CPB2: variants seen among roughly 807,000 people sequenced by gnomAD.
The protein encoded by CPB2 is carboxypeptidase B-like protein.
In CPB2, 54 loss-of-function variants were observed where a neutral mutation model predicts 57.0. The ratio of observed to expected loss-of-function variants is 0.95; its 90% CI spans 0.76 to 1.19. CPB2 has a LOEUF of 1.19. Ranked by LOEUF, CPB2 falls within the 50% of genes most tolerant of loss-of-function variation. The pLI, the probability that CPB2 is intolerant of heterozygous loss-of-function variation, is 0.00. For synonymous variants in CPB2, 189 were observed against 178.1 expected, an observed-to-expected ratio of 1.06 and a Z score of -0.49; for missense variants, 426 against 512.0, an observed-to-expected ratio of 0.83 and a Z score of 1.62.
chr13:46,082,274 A>C (rs1476178747), intron 4 of CPB2, among the ~76,000 whole-genome samples, 167 bp downstream of exon 4: 2 of 152,194 alleles, frequency 1.3e-5, no homozygotes, highest in Non-Finnish European at 2.9e-5. Context: ...TTCTCAGGGA[A>C]GATATCTACC....
At chr13:46,067,212 AT>A (rs1188244040) in intron 7 of CPB2, 94 bp downstream of exon 7, 2 of 594,648 alleles carry the variant, frequency 3.4e-6, no homozygotes, top group Non-Finnish European at 3.0e-6. Context: ...TAATAAAGCC[AT>A]TGTGCCTAGA....
rs17844159 is a variant in CPB2, at chr13:46,102,774, C to T, written c.74+2162G>A. 3.2e-3 allele frequency among the ~76,000 whole-genome samples: 484 copies of T among 152,098 alleles called. 6 individuals carry two copies. Among genetic ancestry groups the T allele is most frequent in the African/African-American group, 0.011 (464 of 41,508 alleles). ...TTTTACTCACAGAAAGAGTAGTTTG[C>T]AATGTTATTTCCAGTGAAGGGATGG... On this transcript the variant is annotated intron_variant, in intron 1 of 10. Transcript: ENST00000181383.
chr13:46,090,543 T>A (rs1434683666), intron 1 of CPB2, among the ~76,000 whole-genome samples: 1 of 151,654 alleles, frequency 6.6e-6, no homozygotes, highest in Admixed American at 6.6e-5. Flanking sequence ...TTGTATTTTT[T>A]AGTAGAGACG....
intron 9 of CPB2, among the ~76,000 whole-genome samples, 172 bp downstream of exon 9, chr13:46,058,007 A>T (rs1205194889): frequency 6.6e-6 from 1 of 152,198 alleles, no homozygotes; most frequent in Non-Finnish European, 1.5e-5. Flanking sequence ...CGTTCTTTAT[A>T]TTCCCTTAGA....
At chr13:46,087,179 G>A (rs1447996623) in intron 2 of CPB2, among the ~76,000 whole-genome samples, 1 of 152,218 alleles carries the variant, frequency 6.6e-6, no homozygotes, top group Non-Finnish European at 1.5e-5. Context: ...GCTGCGCCTG[G>A]GGAGCATGAG....
intron 1 of CPB2, chr13:46,099,137 C>T (rs558297728): frequency 3.1e-4 from 47 of 152,248 alleles, no homozygotes; most frequent in Middle Eastern, 3.4e-3. Flanking sequence ...ATAAGACTAA[C>T]ATAGGCAGAA....
In CPB2 at chr13:46,087,768, G is replaced by A; in HGVS notation, c.127C>T (p.Gln43Ter). Residue 43 changes from glutamine (Q) to a stop codon, truncating the protein, a stop_gained, in exon 2 of 11, where the codon CAG becomes TAG. Transcript: ENST00000181383. LOFTEE classifies it high-confidence loss of function. ...PRTSRQVQVL[Q>*]NLTTTYEIVL... ...ACCTCATATGTTGTAGTAAGATTCT[G>A]TAGAACTTGAACTTGCCTAGAGGTT... The A allele has an allele frequency of 6.2e-7, 1 of 1,610,912 alleles. No homozygotes were observed. Among genetic ancestry groups the A allele is most frequent in the Non-Finnish European group, 8.5e-7 (1 of 1,178,512 alleles).
intron 4 of CPB2, among the ~76,000 whole-genome samples, chr13:46,080,971 C>CAAAA (rs11412601): frequency 1.0e-5 from 1 of 98,604 alleles, no homozygotes; most frequent in African/African-American, 4.0e-5. Flanking sequence ...AACTCTGTCT[C>CAAAA]AAAAAAAAAA....
chr13:46,063,352 T>C (rs1383163013), intron 8 of CPB2, among the ~76,000 whole-genome samples: 1 of 152,194 alleles, frequency 6.6e-6, no homozygotes, highest in African/African-American at 2.4e-5. Context: ...GTCCCCAGTG[T>C]CTATTCCCAT....
intron 4 of CPB2, among the ~76,000 whole-genome samples, chr13:46,081,575 A>G (rs2045118954): frequency 6.6e-6 from 1 of 152,198 alleles, no homozygotes; most frequent in Admixed American, 6.5e-5. Context: ...GAAGGAACAG[A>G]TGCTTTTAAA....
At chr13:46,095,981 A>G (rs2045360885) in intron 1 of CPB2, among the ~76,000 whole-genome samples, 1 of 149,944 alleles carries the variant, frequency 6.7e-6, no homozygotes, top group African/African-American at 2.5e-5. Flanking sequence ...CGTGGGTTCA[A>G]GTGATTCTCC....
In CPB2 at chr13:46,058,203, A is replaced by G. The variant is rs150895932; in HGVS notation, c.975T>C (p.Ser325=). 1.1e-5 allele frequency: 17 copies of G among 1,613,686 alleles called. No homozygotes were observed. In the African/African-American group the frequency reaches 2.0e-4, roughly 19 times the overall value. The change falls in exon 9 of 11, where the codon AGT becomes AGC. Residue 325 remains serine, a synonymous_variant. Coordinates refer to ENST00000181383, the MANE Select transcript of CPB2 (RefSeq NM_001872.5). Reference sequence around the variant, plus strand: ...CCAGTTCCTCATGGTCTTTGCTTTTACTTCGTGTATAGGAATATGGAAACA... The same window carrying G: ...CCAGTTCCTCATGGTCTTTGCTTTTGCTTCGTGTATAGGAATATGGAAACA... ...HIVFPYSYTR[S]KSKDHEELSL...
chr13:46,057,890 TC>T (rs2139345191), intron 9 of CPB2, among the ~76,000 whole-genome samples: 1 of 152,326 alleles, frequency 6.6e-6, no homozygotes, highest in Admixed American at 6.5e-5. Context: ...CACATGCAGA[TC>T]AGGTCAAGTG....
Position 46,104,973 on chromosome 13 carries a change from C to T in CPB2, c.37G>A (p.Val13Ile), listed in dbSNP as rs1476718489. The change falls in exon 1 of 11, where the codon GTT becomes ATT. Residue 13 changes from valine (V) to isoleucine (I), a missense_variant. Transcript: ENST00000181383. ...AAGACATGCTGCTCACAGAAGAGAA[C>T]AATGGGTACAAGGACTGCAAGGCTG... ...LCSLAVLVPI[V>I]LFCEQHVFAF... 1.2e-6 allele frequency: 2 copies of T among 1,614,006 alleles called. No individual in the cohort carries two copies. The highest frequency in any genetic ancestry group is 1.7e-6 in the Non-Finnish European group (2 of 1,179,924).
intron 1 of CPB2, among the ~76,000 whole-genome samples, chr13:46,103,913 C>A (rs999465517): frequency 6.6e-6 from 1 of 152,144 alleles, no homozygotes; most frequent in African/African-American, 2.4e-5. Flanking sequence ...ACCCCCACGT[C>A]AATTAAATAA....
intron 7 of CPB2, among the ~76,000 whole-genome samples, 179 bp downstream of exon 7, chr13:46,067,128 G>C (rs9526138): frequency 0.34 from 52,172 of 151,746 alleles, 9,197 homozygotes; most frequent in African/African-American, 0.39. Flanking sequence ...TGGGTAGATA[G>C]AAGTTTACTA....
In CPB2 at chr13:46,053,505, T is replaced by A. The variant is rs533441236; in HGVS notation, c.*109A>T. The A allele has an allele frequency of 2.6e-5, 38 of 1,490,076 alleles. 1 individual carries two copies. In the Middle Eastern group the frequency reaches 1.1e-3, roughly 44 times the overall value. 92.3% of individuals were successfully genotyped at this position (1,490,076 alleles called of 1,614,324 possible). The stretch of plus-strand genomic sequence containing the variant: ...CTGACAGAACCAAGGAATAGGAAAA[T>A]CTTTTATCAAAACTACGGATAAAAC... On this transcript the variant is annotated 3_prime_UTR_variant, in exon 11 of 11. Transcript: ENST00000181383.
intron 10 of CPB2, among the ~76,000 whole-genome samples, 165 bp from the exon 11 acceptor site, chr13:46,053,963 T>C (rs1261586479): frequency 6.6e-6 from 1 of 152,220 alleles, no homozygotes; most frequent in Non-Finnish European, 1.5e-5. Context: ...TTATACATAA[T>C]TGCTTCTTTG....
intron 6 of CPB2, among the ~76,000 whole-genome samples, chr13:46,070,889 A>G (rs1259289227): frequency 6.6e-6 from 1 of 152,238 alleles, no homozygotes; most frequent in Non-Finnish European, 1.5e-5. Flanking sequence ...ACATTAATTT[A>G]AATTTCAAAT....
Sources: gnomAD v4.1 joint callset for allele counts (sites outside exome capture counted in the v4.1 genomes callset) on GRCh38, gnomAD v4.1.1 for gene constraint, MANE v1.5 for transcripts, NCBI Gene and HGNC (gene_info 2026-07-23, HGNC 2026-07-21) for gene names.